The following ATP7B variants were observed in gnomAD, a reference collection of about 807,000 sequenced individuals.
ATP7B encodes the protein copper-transporting ATPase 2.
Under a neutral mutation model 118.9 loss-of-function variants are expected in ATP7B, and 113 were observed. The ratio of observed to expected loss-of-function variants is 0.95; its 90% CI spans 0.82 to 1.11. ATP7B has a LOEUF of 1.11. Among genes scored for constraint, ATP7B ranks in the 50% most tolerant of loss-of-function variants. The probability of loss-of-function intolerance (pLI) is 0.00; values close to 1 mark genes in which losing one functional copy is unlikely to be tolerated. For synonymous variants in ATP7B, 777 were observed against 727.4 expected (o/e 1.07, Z -1.10); for missense variants, 1,867 against 1,871.4 (o/e 1.00, Z 0.04).
chr13:51,957,719 G>C (rs975196106), intron 8 of ATP7B, 112 bp from the exon 9 acceptor site: 1 of 1,005,656 alleles, frequency 9.9e-7, no homozygotes, highest in African/African-American at 1.6e-5. Context: ...AGAAACAGCC[G>C]CACGGCACGA....
chr13:51,995,145 A>T (rs536619754), intron 1 of ATP7B, among the ~76,000 whole-genome samples: 9 of 152,212 alleles, frequency 5.9e-5, no homozygotes, highest in Non-Finnish European at 1.0e-4. Flanking sequence ...CTTCCAAGCC[A>T]TGGTGTAATT....
Position 51,974,615 on chromosome 13 carries a change from T to A in ATP7B, c.605A>T (p.Asn202Ile), listed in dbSNP as rs1952013866. 2 of 1,613,588 alleles carry A rather than the reference T, an allele frequency of 1.2e-6. No individual in the cohort carries two copies. Among genetic ancestry groups the A allele is most frequent in the Middle Eastern group, 1.6e-4 (1 of 6,062 alleles). ...GATGGCAGCTTCAAATCCCATGTCA[T>A]TTACATGGTCCCTGAGGTCTTCGGG... ...IQPEDLRDHV[N>I]DMGFEAAIKS... The change falls in exon 2 of 21, where the codon AAT becomes ATT. Residue 202 changes from asparagine (N) to isoleucine (I), a missense_variant. Transcript: ENST00000242839.
intron 5 of ATP7B, among the ~76,000 whole-genome samples, chr13:51,962,368 G>A (rs964569306): frequency 1.3e-5 from 2 of 152,200 alleles, no homozygotes; most frequent in African/African-American, 4.8e-5. Flanking sequence ...TCAGCATTTG[G>A]AAGCACAGCT....
chr13:51,956,601 C>T (rs138598399), intron 9 of ATP7B, among the ~76,000 whole-genome samples: 1 of 152,132 alleles, frequency 6.6e-6, no homozygotes, highest in South Asian at 2.1e-4. Flanking sequence ...GCTGTGTAGG[C>T]TGAGGGACAG....
chr13:52,010,969 G>A (rs1246988615), intron 1 of ATP7B, among the ~76,000 whole-genome samples: 1 of 152,208 alleles, frequency 6.6e-6, no homozygotes, highest in Non-Finnish European at 1.5e-5. Flanking sequence ...ACTTCTCCAG[G>A]TAACTAACTT....
chr13:51,988,425 T>C (rs912838764), intron 1 of ATP7B, among the ~76,000 whole-genome samples: 13 of 152,128 alleles, frequency 8.5e-5, no homozygotes, highest in African/African-American at 3.1e-4. Context: ...GGAGAGGATG[T>C]AGAGAAATAG....
chr13:51,961,788 G>A, intron 6 of ATP7B, 49 bp downstream of exon 6: 9 of 1,569,106 alleles, frequency 5.7e-6, no homozygotes, highest in Non-Finnish European at 7.0e-6. Flanking sequence ...CCCAGGTAGA[G>A]GAAGGGACTT....
intron 2 of ATP7B, 21 bp downstream of exon 2, chr13:51,973,914 T>C (rs774037186): frequency 1.9e-6 from 3 of 1,614,184 alleles, no homozygotes; most frequent in African/African-American, 1.3e-5. Context: ...GCTCAGGACA[T>C]GCCTCAAACA....
At chr13:51,991,831 A>AT (rs1371184679) in intron 1 of ATP7B, among the ~76,000 whole-genome samples, 3 of 152,172 alleles carry the variant, frequency 2.0e-5, no homozygotes, top group Non-Finnish European at 4.4e-5. Flanking sequence ...GCGTGCTCTT[A>AT]TGGAGGGGAT....
intron 5 of ATP7B, 39 bp downstream of exon 5, chr13:51,964,833 T>C: frequency 6.2e-7 from 1 of 1,603,864 alleles, no homozygotes; most frequent in East Asian, 2.2e-5. Flanking sequence ...TATTACTGTT[T>C]TTAAAAAGGT....
At chr13:51,953,962 C>T (rs1398963314) in intron 9 of ATP7B, among the ~76,000 whole-genome samples, 1 of 151,088 alleles carries the variant, frequency 6.6e-6, no homozygotes, top group African/African-American at 2.4e-5. Context: ...GTTTCTTTAA[C>T]ATCTGACAGC....
Position 52,006,585 on chromosome 13 carries a change from G to A in ATP7B, c.51+4702C>T, listed in dbSNP as rs553519840. On this transcript the variant is annotated intron_variant, in intron 1 of 20. Coordinates refer to ENST00000242839, the MANE Select transcript of ATP7B (RefSeq NM_000053.4). ...TCCAACAGTCTCTAGCTGGTCTCCC[G>A]CAGCTCCCTGCCCAGTTCACCCTCT... Among the ~76,000 whole-genome samples, 7 of 152,262 alleles carry A rather than the reference G, an allele frequency of 4.6e-5. No homozygotes were observed. In the South Asian group the frequency reaches 1.2e-3, roughly 27 times the overall value.
rs774117594 is a variant in ATP7B at position 51,974,667 on chromosome 13, T to C, written c.553A>G (p.Ile185Val). ...TGAATGAGATAAGGCTGATAAGTGATGACGGCCTCTTGGTTGCTGAGTGAG... is the reference window on the plus strand; with the variant it reads ...TGAATGAGATAAGGCTGATAAGTGACGACGGCCTCTTGGTTGCTGAGTGAG... ...KVSLSNQEAVITYQPYLIQPE... is the reference protein window; with the variant it reads ...KVSLSNQEAVVTYQPYLIQPE... The change falls in exon 2 of 21, where the codon ATC (isoleucine) becomes GTC (valine). Residue 185 changes from isoleucine to valine, a missense_variant. Coordinates refer to ENST00000242839, the MANE Select transcript of ATP7B (RefSeq NM_000053.4). 1.2e-6 allele frequency: 2 copies of C among 1,611,262 alleles called. No homozygotes were observed. The highest frequency in any genetic ancestry group is 1.7e-6 in the Non-Finnish European group (2 of 1,177,696).
At chr13:52,002,825 T>C (rs924924194) in intron 1 of ATP7B, among the ~76,000 whole-genome samples, 7 of 152,180 alleles carry the variant, frequency 4.6e-5, no homozygotes, top group Admixed American at 3.9e-4. Context: ...CTATAGTCTA[T>C]CAAGTGTGCA....
At chr13:51,995,149 TG>T (rs1953142231) in intron 1 of ATP7B, among the ~76,000 whole-genome samples, 1 of 152,156 alleles carries the variant, frequency 6.6e-6, no homozygotes, top group Non-Finnish European at 1.5e-5. Flanking sequence ...CAAGCCATGG[TG>T]TAATTAATCA....
upstream of ATP7B, chr13:52,012,034 C>T: frequency 2.5e-6 from 1 of 394,410 alleles, no homozygotes; most frequent in South Asian, 2.5e-5. Context: ...AAAATCGATC[C>T]GCTGTGCGCA....
At position 51,941,061 on chromosome 13, in the gene ATP7B, A is replaced by G. The variant is rs765755993; in HGVS notation, c.3556+20T>C. On this transcript the variant is annotated intron_variant, in intron 16 of 20. Transcript: ENST00000242839. ...ACTGTATTTCTGAGAGAGCGGAAGG[A>G]AGGCAGAAGCAGAAGATACCGTCAA... is the stretch of plus-strand genomic sequence containing the variant. The G allele has an allele frequency of 3.7e-6, 6 of 1,614,054 alleles. No homozygotes were observed. Among genetic ancestry groups the G allele is most frequent in the Non-Finnish European group, 5.1e-6 (6 of 1,180,030 alleles).
chr13:51,968,325 C>A, intron 4 of ATP7B, 119 bp downstream of exon 4: 2 of 1,456,296 alleles, frequency 1.4e-6, no homozygotes, highest in South Asian at 2.4e-5. Flanking sequence ...AACAAAATAC[C>A]CAACAACAAC....
At position 52,002,138 on chromosome 13, in the gene ATP7B, G is replaced by A. The variant is rs141337113; in HGVS notation, c.51+9149C>T. Among the ~76,000 whole-genome samples the A allele has an allele frequency of 2.5e-3, 383 of 152,152 alleles. 1 individual carries two copies. The highest frequency in any genetic ancestry group is 3.4e-3 in the Middle Eastern group (1 of 294). Reference sequence around the variant, plus strand: ...TGTTCAGTCACTGCTTTATTCCAAGGTCTAAAACAGTGCTTGACACTTAAA... The same window carrying A: ...TGTTCAGTCACTGCTTTATTCCAAGATCTAAAACAGTGCTTGACACTTAAA... On this transcript the variant is annotated intron_variant, in intron 1 of 20. Coordinates refer to ENST00000242839, the MANE Select transcript of ATP7B (RefSeq NM_000053.4).
Sources: gnomAD v4.1 joint callset for allele counts (sites outside exome capture counted in the v4.1 genomes callset) on GRCh38, gnomAD v4.1.1 for gene constraint, MANE v1.5 for transcripts, NCBI Gene and HGNC (gene_info 2026-07-23, HGNC 2026-07-21) for gene names.